TYW1: variants seen among roughly 807,000 people sequenced by gnomAD.
TYW1 encodes the protein S-adenosyl-L-methionine-dependent tRNA 4-demethylwyosine synthase TYW1.
In TYW1, 46 loss-of-function variants were observed where a neutral mutation model predicts 96.2. That is an observed-to-expected ratio of 0.48 (90% CI 0.38 to 0.61). TYW1 has a LOEUF of 0.61. Ranked by LOEUF, TYW1 falls within the 20% of genes least tolerant of loss-of-function variation. The pLI is 0.00. For synonymous variants in TYW1, 274 were observed against 323.0 expected (o/e 0.85, Z 1.63); for missense variants, 684 against 909.6 (o/e 0.75, Z 3.19).
chr7:67,204,020 C>T (rs1800688564), intron 15 of TYW1, among the ~76,000 whole-genome samples: 1 of 152,174 alleles, frequency 6.6e-6, no homozygotes, highest in South Asian at 2.1e-4. Flanking sequence ...TCCCTGCTTT[C>T]AAGATTTTTA....
chr7:67,108,584 G>A (rs62468379), intron 12 of TYW1, among the ~76,000 whole-genome samples: 6,069 of 151,734 alleles, frequency 0.04, 171 homozygotes, highest in Middle Eastern at 0.096. Flanking sequence ...TGGGAATACC[G>A]GTGCGCGCCA....
chr7:67,155,559 C>CTT (rs143551965), intron 13 of TYW1, among the ~76,000 whole-genome samples: 1 of 145,884 alleles, frequency 6.9e-6, no homozygotes, highest in Non-Finnish European at 1.5e-5. Context: ...TTTAGGTATT[C>CTT]TTTTTTTTTT....
At chr7:67,144,509 T>C (rs1384478711) in intron 13 of TYW1, among the ~76,000 whole-genome samples, 1 of 152,168 alleles carries the variant, frequency 6.6e-6, no homozygotes, top group Non-Finnish European at 1.5e-5. Context: ...TCTTGCTCTG[T>C]CACCCAGGCT....
intron 13 of TYW1, among the ~76,000 whole-genome samples, chr7:67,166,544 T>C (rs1010312267): frequency 3.8e-5 from 3 of 79,924 alleles, no homozygotes; most frequent in African/African-American, 6.8e-5. Flanking sequence ...GCCCCTCCCC[T>C]CTCTAAAAAT....
intron 8 of TYW1, among the ~76,000 whole-genome samples, chr7:67,055,305 A>C (rs1458736263): frequency 6.6e-6 from 1 of 152,132 alleles, no homozygotes; most frequent in Admixed American, 6.6e-5. Context: ...GGATTAATTT[A>C]TTGTTTCATG....
chr7:67,069,173 CAAAT>C (rs1301127810), intron 10 of TYW1, among the ~76,000 whole-genome samples: 6 of 151,944 alleles, frequency 3.9e-5, no homozygotes, highest in African/African-American at 1.5e-4. Context: ...TTGGGGGTTA[CAAAT>C]AAATTTTAGC....
intron 14 of TYW1, among the ~76,000 whole-genome samples, chr7:67,191,383 G>T (rs563435311): frequency 6.6e-6 from 1 of 152,234 alleles, no homozygotes; most frequent in East Asian, 1.9e-4. Flanking sequence ...AAATGATCCT[G>T]TTCTTCACAA....
chr7:67,063,532 C>CAAAA (rs112483740), intron 9 of TYW1, among the ~76,000 whole-genome samples: 12,587 of 151,422 alleles, frequency 0.083, 563 homozygotes, highest in African/African-American at 0.12. Flanking sequence ...AAGGAAATGA[C>CAAAA]AAATAAATTT....
intron 15 of TYW1, among the ~76,000 whole-genome samples, chr7:67,207,073 C>T (rs1424014233): frequency 6.6e-6 from 1 of 152,170 alleles, no homozygotes; most frequent in Non-Finnish European, 1.5e-5. Flanking sequence ...CCCAATTCAC[C>T]TTGTGTAGTT....
intron 10 of TYW1, among the ~76,000 whole-genome samples, chr7:67,077,919 G>A (rs1400857821): frequency 6.6e-6 from 1 of 151,944 alleles, no homozygotes; most frequent in Non-Finnish European, 1.5e-5. Context: ...GTTGATTTTT[G>A]TATATTGTCT....
At chr7:67,049,895 A>G (rs1223981222) in intron 7 of TYW1, 54 bp from the exon 8 acceptor site, 11 of 1,605,002 alleles carry the variant, frequency 6.9e-6, no homozygotes, top group South Asian at 2.2e-5. Flanking sequence ...TTGTGCTGTT[A>G]TTTACATTGC....
At chr7:67,022,866 C>T (rs572762408) in intron 6 of TYW1, among the ~76,000 whole-genome samples, 11 of 152,298 alleles carry the variant, frequency 7.2e-5, no homozygotes, top group South Asian at 2.1e-4. Context: ...CCAGCCACAG[C>T]GCCACTTCTG....
intron 13 of TYW1, among the ~76,000 whole-genome samples, chr7:67,176,636 A>G (rs1416803996): frequency 2.7e-5 from 4 of 150,562 alleles, no homozygotes; most frequent in African/African-American, 9.8e-5. Context: ...TATAGATTCA[A>G]TGCTATATCA....
intron 15 of TYW1, among the ~76,000 whole-genome samples, chr7:67,236,600 T>C (rs747289295): frequency 6.6e-6 from 1 of 152,210 alleles, no homozygotes; most frequent in South Asian, 2.1e-4. Context: ...GATGGTGAGA[T>C]ATAAATTTTA....
intron 13 of TYW1, among the ~76,000 whole-genome samples, chr7:67,164,545 AG>A (rs1169532059): frequency 1.3e-5 from 2 of 151,770 alleles, no homozygotes; most frequent in Admixed American, 6.6e-5. Flanking sequence ...TGGGAAGTCA[AG>A]GCTGCAGTGA....
chr7:67,015,064 G>T (rs1242995831), intron 5 of TYW1, among the ~76,000 whole-genome samples: 1 of 150,106 alleles, frequency 6.7e-6, no homozygotes, highest in Non-Finnish European at 1.5e-5. Context: ...TGCAGTGGCG[G>T]GATCTCAGCT....
Position 66,996,989 on chromosome 7 carries a change from G to A in TYW1, c.4+7G>A. The A allele has an allele frequency of 6.2e-7, 1 of 1,614,136 alleles. No homozygotes were observed. Among genetic ancestry groups the A allele is most frequent in the South Asian group, 1.1e-5 (1 of 91,062 alleles). ...TCGGCTCTGAGGAGGATGGGTAAGG[G>A]CACTCGGCGGGCAAGGACCCTGGGG... On this transcript the variant is annotated splice_region_variant and intron_variant, in intron 1 of 15. Transcript: ENST00000359626.
chr7:67,132,316 C>T (rs1437197689), intron 13 of TYW1, among the ~76,000 whole-genome samples: 1 of 151,670 alleles, frequency 6.6e-6, no homozygotes, highest in African/African-American at 2.4e-5. Context: ...CACTGTGTTG[C>T]TCAGGTTGGT....
intron 15 of TYW1, among the ~76,000 whole-genome samples, chr7:67,229,726 G>A (rs1202794575): frequency 2.6e-5 from 4 of 152,308 alleles, no homozygotes; most frequent in African/African-American, 9.6e-5. Context: ...GGCTGAAATG[G>A]GAGAATTGCT....
Sources: allele counts gnomAD v4.1 joint callset (sites outside exome capture counted in the v4.1 genomes callset), GRCh38; gene constraint gnomAD v4.1.1; transcripts MANE v1.5; gene names NCBI Gene and HGNC (gene_info 2026-07-23, HGNC 2026-07-21).